Variants in SCHIP1 observed in about 807,000 individuals in gnomAD.
The protein encoded by SCHIP1 is schwannomin interacting protein 1, also known as schwannomin-interacting protein 1.
A neutral mutation model predicts 29.7 loss-of-function variants in SCHIP1; 8 were observed. The observed-to-expected ratio is 0.27, with a 90% CI of 0.16 to 0.49. The LOEUF (loss-of-function observed/expected upper bound fraction) is 0.49, where lower values mean the gene tolerates loss of function less well. Among genes scored for constraint, SCHIP1 ranks in the 20% least tolerant of loss-of-function variants. The pLI, the probability that SCHIP1 is intolerant of heterozygous loss-of-function variation, is 0.99. For missense variants in SCHIP1, 193 were observed against 294.6 expected, an observed-to-expected ratio of 0.66 and a Z score of 2.52; for synonymous variants, 76 against 94.9, an observed-to-expected ratio of 0.80 and a Z score of 1.16.
the SCHIP1 span, among the ~76,000 whole-genome samples, chr3:159,519,938 C>T: frequency 2.0e-5 from 3 of 151,394 alleles, no homozygotes; most frequent in East Asian, 5.8e-4. Context: ...AGGGCCACCA[C>T]GTATAGTCGT....
At chr3:159,485,688 G>A in the SCHIP1 span, among the ~76,000 whole-genome samples, 3 of 152,232 alleles carry the variant, frequency 2.0e-5, no homozygotes, top group East Asian at 1.9e-4. Context: ...TGAGCAAGTT[G>A]TCCGTTTCCT....
At chr3:159,809,023 C>G in the SCHIP1 span, among the ~76,000 whole-genome samples, 1 of 147,186 alleles carries the variant, frequency 6.8e-6, no homozygotes, top group African/African-American at 2.5e-5. Flanking sequence ...TTCTAGGGTG[C>G]ATGTGCACAA....
the SCHIP1 span, among the ~76,000 whole-genome samples, chr3:159,712,809 A>AAAAG: frequency 6.6e-6 from 1 of 151,270 alleles, no homozygotes; most frequent in African/African-American, 2.4e-5. Flanking sequence ...GAGAGAAAGA[A>AAAAG]AAAGAAAGAA....
chr3:159,604,347 A>G, the SCHIP1 span, among the ~76,000 whole-genome samples: 1,022 of 152,222 alleles, frequency 6.7e-3, 24 homozygotes, highest in Admixed American at 0.051. Flanking sequence ...AAGTCTGCAG[A>G]CCCAAGAGAA....
the SCHIP1 span, among the ~76,000 whole-genome samples, chr3:159,320,534 C>A: frequency 1.3e-5 from 2 of 152,154 alleles, no homozygotes; most frequent in African/African-American, 4.8e-5. Flanking sequence ...GACCATCAAT[C>A]AAATTCAGGT....
At chr3:159,827,000 A>C in the SCHIP1 span, among the ~76,000 whole-genome samples, 2 of 152,176 alleles carry the variant, frequency 1.3e-5, no homozygotes, top group Non-Finnish European at 2.9e-5. Flanking sequence ...CCTGATCAGT[A>C]CCTTTATAAT....
the SCHIP1 span, among the ~76,000 whole-genome samples, chr3:159,616,389 A>G: frequency 3.3e-5 from 5 of 152,302 alleles, no homozygotes; most frequent in African/African-American, 9.6e-5. Context: ...GGCATGAGCC[A>G]CCACGCCTGG....
the SCHIP1 span, among the ~76,000 whole-genome samples, chr3:159,713,222 G>A: frequency 1.1e-3 from 108 of 100,932 alleles, no homozygotes; most frequent in African/African-American, 2.9e-3. Flanking sequence ...GAGAGAGAGA[G>A]AGAAAGAAAG....
chr3:159,320,759 C>T, the SCHIP1 span, among the ~76,000 whole-genome samples: 1 of 151,806 alleles, frequency 6.6e-6, no homozygotes, highest in Non-Finnish European at 1.5e-5. Context: ...AACAAGTGTG[C>T]ACCACGCAGT....
chr3:159,700,871 G>A, the SCHIP1 span, among the ~76,000 whole-genome samples: 4 of 151,976 alleles, frequency 2.6e-5, no homozygotes, highest in Non-Finnish European at 4.4e-5. Context: ...AAGGTTGGGG[G>A]AAAGGAAAGC....
chr3:159,446,041 T>A, the SCHIP1 span, among the ~76,000 whole-genome samples: 8 of 151,516 alleles, frequency 5.3e-5, no homozygotes, highest in East Asian at 3.9e-4. Flanking sequence ...ATAATAATAA[T>A]AAAAAGAAAA....
chr3:159,802,739 T>C, the SCHIP1 span, among the ~76,000 whole-genome samples: 1 of 152,140 alleles, frequency 6.6e-6, no homozygotes, highest in South Asian at 2.1e-4. Flanking sequence ...TAGCAAAGTA[T>C]CAGTTTGGAT....
chr3:159,805,520 C>G, the SCHIP1 span, among the ~76,000 whole-genome samples: 1 of 152,170 alleles, frequency 6.6e-6, no homozygotes, highest in Non-Finnish European at 1.5e-5. Flanking sequence ...AAGACTTAGG[C>G]CTCCCTCACC....
At chr3:159,776,142 A>G in the SCHIP1 span, among the ~76,000 whole-genome samples, 1 of 152,190 alleles carries the variant, frequency 6.6e-6, no homozygotes, top group Non-Finnish European at 1.5e-5. Flanking sequence ...TAAAAATAAC[A>G]TGTTTTCAAA....
At chr3:159,565,050 T>C in the SCHIP1 span, among the ~76,000 whole-genome samples, 9 of 152,144 alleles carry the variant, frequency 5.9e-5, no homozygotes, top group East Asian at 1.7e-3. Context: ...TTTACAAACA[T>C]GCAATGTTGT....
chr3:159,574,419 C>T, the SCHIP1 span, among the ~76,000 whole-genome samples: 1 of 152,186 alleles, frequency 6.6e-6, no homozygotes, highest in Non-Finnish European at 1.5e-5. Context: ...GACCTGTTTG[C>T]CTAGGTGTCA....
chr3:159,446,413 A>G, the SCHIP1 span, among the ~76,000 whole-genome samples: 22 of 152,162 alleles, frequency 1.4e-4, no homozygotes, highest in South Asian at 4.2e-4. Context: ...CAGCAATACA[A>G]TATTGTTGCA....
intron 1 of SCHIP1, among the ~76,000 whole-genome samples, chr3:159,858,739 C>T (rs1713687442): frequency 6.6e-6 from 1 of 152,196 alleles, no homozygotes; most frequent in African/African-American, 2.4e-5. Context: ...CCCCAGAGTC[C>T]TTCCCCTTGG....
the SCHIP1 span, among the ~76,000 whole-genome samples, chr3:159,431,763 C>T: frequency 9.4e-5 from 14 of 149,558 alleles, no homozygotes; most frequent in Non-Finnish European, 1.3e-4. Flanking sequence ...GAGCTGAGAT[C>T]GGGCCACTGC....
Sources: gnomAD v4.1 joint callset for allele counts (sites outside exome capture counted in the v4.1 genomes callset) on GRCh38, gnomAD v4.1.1 for gene constraint, MANE v1.5 for transcripts, NCBI Gene and HGNC (gene_info 2026-07-23, HGNC 2026-07-21) for gene names.